Variants in LRRC37A observed in about 807,000 individuals in gnomAD.
LRRC37A encodes leucine-rich repeat-containing protein 37A.
Under a neutral mutation model 35.4 loss-of-function variants are expected in LRRC37A, and 3 were observed. That is an observed-to-expected ratio of 0.08 (90% CI 0.04 to 0.22). The LOEUF is 0.22. LRRC37A is among the 10% of genes least tolerant of loss of function. LRRC37A has a pLI of 1.00. For missense variants in LRRC37A, 67 were observed against 565.3 expected, an observed-to-expected ratio of 0.12 and a Z score of 8.94; for synonymous variants, 23 against 215.0, an observed-to-expected ratio of 0.11 and a Z score of 7.81.
At chr17:46,279,059 A>C in the LRRC37A span, among the ~76,000 whole-genome samples, 1 of 152,174 alleles carries the variant, frequency 6.6e-6, no homozygotes, top group South Asian at 2.1e-4. Context: ...TGGCCTCCCA[A>C]AGTGTTGGGA....
At chr17:46,264,505 C>T in the LRRC37A span, among the ~76,000 whole-genome samples, 1 of 152,172 alleles carries the variant, frequency 6.6e-6, no homozygotes, top group Non-Finnish European at 1.5e-5. Flanking sequence ...TACCAAGCAA[C>T]CTGATGATAA....
At chr17:46,268,598 G>C in the LRRC37A span, 3 of 1,543,754 alleles carry the variant, frequency 1.9e-6, no homozygotes, top group Non-Finnish European at 2.6e-6. Flanking sequence ...TCTGTCCAGG[G>C]GATGGACTGC....
chr17:46,260,675 G>A, the LRRC37A span: 4 of 1,323,940 alleles, frequency 3.0e-6, no homozygotes, highest in Admixed American at 2.3e-5. Flanking sequence ...CCAGGCTGGA[G>A]TGCAATGGCG....
At chr17:46,259,019 A>AGTTTTTTTTTTTTTTTT in the LRRC37A span, among the ~76,000 whole-genome samples, 1 of 79,468 alleles carries the variant, frequency 1.3e-5, no homozygotes, top group Non-Finnish European at 2.2e-5. Flanking sequence ...CACCCGGCCT[A>AGTTTTTTTTTTTTTTTT]TTTTTTTTTT....
At chr17:46,258,709 T>TG in the LRRC37A span, among the ~76,000 whole-genome samples, 128 of 57,280 alleles carry the variant, frequency 2.2e-3, 4 homozygotes, top group Non-Finnish European at 4.3e-3. Flanking sequence ...CTATTATTCT[T>TG]TTTTTTTTTT....
chr17:46,304,840 G>C (rs948448444), intron 3 of LRRC37A, among the ~76,000 whole-genome samples: 2 of 59,296 alleles, frequency 3.4e-5, no homozygotes, highest in African/African-American at 7.6e-5. Flanking sequence ...CCTAAACTAA[G>C]AAGGTGTAGA....
chr17:46,282,473 G>A, the LRRC37A span, among the ~76,000 whole-genome samples: 1 of 151,228 alleles, frequency 6.6e-6, no homozygotes, highest in Non-Finnish European at 1.5e-5. Context: ...GGGGTGGAGT[G>A]GCTCGATCAT....
chr17:46,278,560 C>T, the LRRC37A span, among the ~76,000 whole-genome samples: 8 of 151,652 alleles, frequency 5.3e-5, no homozygotes, highest in East Asian at 2.0e-4. Flanking sequence ...CTCACCACTG[C>T]GACCGGCTAA....
chr17:46,250,521 A>G, the LRRC37A span, among the ~76,000 whole-genome samples: 1 of 152,170 alleles, frequency 6.6e-6, no homozygotes, highest in African/African-American at 2.4e-5. Flanking sequence ...AGGCAGAAAA[A>G]TGTGAGAGAC....
the LRRC37A span, among the ~76,000 whole-genome samples, chr17:46,271,411 A>T: frequency 1.3e-5 from 2 of 149,884 alleles, no homozygotes. Flanking sequence ...CAAACTCCCA[A>T]CCTCAGGTGA....
chr17:46,267,881 CCA>C, the LRRC37A span, among the ~76,000 whole-genome samples: 1 of 148,434 alleles, frequency 6.7e-6, no homozygotes, highest in South Asian at 2.1e-4. Context: ...CGGGGAATAC[CCA>C]CTCCCACATC....
At chr17:46,251,321 C>T in the LRRC37A span, among the ~76,000 whole-genome samples, 19 of 151,440 alleles carry the variant, frequency 1.3e-4, no homozygotes, top group East Asian at 3.9e-4. Flanking sequence ...TGAAATGGCA[C>T]GATCTCGCCT....
chr17:46,261,489 G>A, the LRRC37A span, among the ~76,000 whole-genome samples: 1 of 152,132 alleles, frequency 6.6e-6, no homozygotes. Flanking sequence ...TCAGCTCGCT[G>A]CAACATCCAC....
At chr17:46,278,131 G>A in the LRRC37A span, among the ~76,000 whole-genome samples, 3 of 152,104 alleles carry the variant, frequency 2.0e-5, no homozygotes, top group Non-Finnish European at 4.4e-5. Context: ...ATTATTAGTG[G>A]AGATGGGGTT....
rs1340662964 is a variant in LRRC37A at position 46,317,087 on chromosome 17, C to T, written c.2907-5235C>T. On this transcript the variant is annotated intron_variant, in intron 5 of 13. Transcript: ENST00000320254. ...TTCCCCCTTTTCTATTCAACAAAAC[C>T]GCCATTGTCATCATGGCCCGTTCTC... Among the ~76,000 whole-genome samples, 5 of 84,488 alleles carry T rather than the reference C, an allele frequency of 5.9e-5. 1 individual carries two copies. In the East Asian group the frequency reaches 1.2e-3, roughly 20 times the overall value. The allele number at this position is 84,488 out of a possible 152,430, so 55.4% of individuals were successfully genotyped here.
At chr17:46,259,561 A>G in the LRRC37A span, 1 of 1,611,900 alleles carries the variant, frequency 6.2e-7, no homozygotes, top group Admixed American at 1.7e-5. Flanking sequence ...CTGTTTAACC[A>G]TGCTACCTGC....
the LRRC37A span, chr17:46,267,260 T>G: frequency 4.0e-6 from 4 of 1,010,134 alleles, no homozygotes; most frequent in Non-Finnish European, 5.7e-6. Flanking sequence ...TCGCTGTTGC[T>G]AAAAACCAAC....
At chr17:46,277,602 C>T in the LRRC37A span, among the ~76,000 whole-genome samples, 2 of 152,144 alleles carry the variant, frequency 1.3e-5, no homozygotes, top group African/African-American at 4.8e-5. Flanking sequence ...ATCCCCTTGA[C>T]CTTTCAGTTC....
chr17:46,298,719 A>T (rs2050243944), intron 1 of LRRC37A, among the ~76,000 whole-genome samples: 1 of 97,670 alleles, frequency 1.0e-5, no homozygotes, highest in Admixed American at 1.2e-4. Context: ...GCAAGACTCC[A>T]TCTCAAAAAA....
Sources: allele counts gnomAD v4.1 joint callset (sites outside exome capture counted in the v4.1 genomes callset), GRCh38; gene constraint gnomAD v4.1.1; transcripts MANE v1.5; gene names NCBI Gene and HGNC (gene_info 2026-07-23, HGNC 2026-07-21).